The following MCTP1 variants were observed in gnomAD, a reference collection of about 807,000 sequenced individuals.
MCTP1 encodes multiple C2 and transmembrane domain containing 1.
In MCTP1, 69 loss-of-function variants were observed where a neutral mutation model predicts 120.6. The ratio of observed to expected loss-of-function variants is 0.57; its 90% CI spans 0.47 to 0.70. MCTP1 has a LOEUF of 0.70. MCTP1 is among the 30% of genes least tolerant of loss of function. The pLI, the probability that MCTP1 is intolerant of heterozygous loss-of-function variation, is 0.00. For synonymous variants in MCTP1, 529 were observed against 493.1 expected, an observed-to-expected ratio of 1.07 and a Z score of -0.96; for missense variants, 1,203 against 1,248.8, an observed-to-expected ratio of 0.96 and a Z score of 0.55.
chr5:94,710,992 A>G (rs1756729426), intron 20 of MCTP1, 65 bp from the exon 21 acceptor site: 3 of 1,092,688 alleles, frequency 2.7e-6, no homozygotes, highest in Admixed American at 2.0e-5. Flanking sequence ...ATTAAAATAC[A>G]TATGATTCTA....
chr5:95,249,109 C>T (rs1334143535), intron 1 of MCTP1, among the ~76,000 whole-genome samples: 2 of 152,140 alleles, frequency 1.3e-5, no homozygotes, highest in African/African-American at 4.8e-5. Flanking sequence ...TGAGTAAAGA[C>T]TTCATGACTA....
At chr5:94,842,443 AT>A (rs1307757136) in intron 17 of MCTP1, among the ~76,000 whole-genome samples, 1 of 152,178 alleles carries the variant, frequency 6.6e-6, no homozygotes, top group Non-Finnish European at 1.5e-5. Context: ...TAACATATGG[AT>A]TGTGTCATCT....
chr5:94,862,336 C>T (rs1795965582), intron 17 of MCTP1, among the ~76,000 whole-genome samples: 1 of 151,688 alleles, frequency 6.6e-6, no homozygotes, highest in African/African-American at 2.4e-5. Flanking sequence ...GACCCTGTGG[C>T]TTATGTGATT....
intron 1 of MCTP1, among the ~76,000 whole-genome samples, chr5:95,171,377 C>T (rs1039639132): frequency 6.6e-6 from 1 of 152,144 alleles, no homozygotes; most frequent in African/African-American, 2.4e-5. Flanking sequence ...GTGAATCTGA[C>T]AATTATGTGT....
chr5:94,872,463 T>A (rs1449241522), intron 13 of MCTP1, among the ~76,000 whole-genome samples: 2 of 151,788 alleles, frequency 1.3e-5, no homozygotes, highest in African/African-American at 2.4e-5. Context: ...GTTTTTCATA[T>A]ACAAAAAAAT....
chr5:94,877,113 CTT>C (rs1561790894), intron 12 of MCTP1, among the ~76,000 whole-genome samples: 2 of 152,006 alleles, frequency 1.3e-5, no homozygotes, highest in Non-Finnish European at 2.9e-5. Context: ...GAAGCAAAGA[CTT>C]TTCCAGTGGC....
At chr5:95,186,277 A>G (rs1405310406) in intron 1 of MCTP1, among the ~76,000 whole-genome samples, 2 of 151,826 alleles carry the variant, frequency 1.3e-5, no homozygotes, top group East Asian at 1.9e-4. Flanking sequence ...AAAAAGAAAA[A>G]AAAGAAAAAA....
At chr5:95,030,504 C>T (rs1209676440) in intron 1 of MCTP1, among the ~76,000 whole-genome samples, 1 of 152,168 alleles carries the variant, frequency 6.6e-6, no homozygotes, top group Non-Finnish European at 1.5e-5. Context: ...GCATCCAATA[C>T]ACCAGTACAA....
chr5:95,182,084 A>G (rs1354196529), intron 1 of MCTP1, among the ~76,000 whole-genome samples: 1 of 152,234 alleles, frequency 6.6e-6, no homozygotes, highest in African/African-American at 2.4e-5. Flanking sequence ...GAAATATCTG[A>G]CCATGGGAAT....
chr5:94,800,359 G>T, intron 17 of MCTP1, among the ~76,000 whole-genome samples: 1 of 152,162 alleles, frequency 6.6e-6, no homozygotes, highest in Non-Finnish European at 1.5e-5. Flanking sequence ...TCAGCCAGCT[G>T]GTTGGAATAA....
intron 1 of MCTP1, among the ~76,000 whole-genome samples, chr5:95,069,652 A>T (rs1475366757): frequency 6.6e-6 from 1 of 151,292 alleles, no homozygotes; most frequent in Admixed American, 6.6e-5. Flanking sequence ...GCTCACAGGG[A>T]TGTCAAGTTG....
At chr5:94,998,098 C>A (rs765812612) in intron 2 of MCTP1, among the ~76,000 whole-genome samples, 1 of 151,998 alleles carries the variant, frequency 6.6e-6, no homozygotes, top group Non-Finnish European at 1.5e-5. Flanking sequence ...CTTATGCAAA[C>A]TGAAAATATA....
chr5:94,811,149 T>A (rs969948142), intron 17 of MCTP1, among the ~76,000 whole-genome samples: 3 of 152,178 alleles, frequency 2.0e-5, no homozygotes, highest in African/African-American at 7.2e-5. Flanking sequence ...ATTCAAATAA[T>A]CATCTTAGGC....
intron 20 of MCTP1, among the ~76,000 whole-genome samples, chr5:94,711,727 C>CAA (rs11380194): frequency 3.7e-4 from 49 of 131,998 alleles, no homozygotes; most frequent in East Asian, 1.4e-3. Flanking sequence ...GTAGAAGTTA[C>CAA]AAAAAAAAAA....
At chr5:95,096,829 T>C (rs1756305850) in intron 1 of MCTP1, among the ~76,000 whole-genome samples, 1 of 152,166 alleles carries the variant, frequency 6.6e-6, no homozygotes, top group African/African-American at 2.4e-5. Flanking sequence ...AGGAAATAAG[T>C]TAAATTTTCA....
intron 1 of MCTP1, among the ~76,000 whole-genome samples, chr5:95,035,615 G>T (rs971311033): frequency 1.3e-5 from 2 of 152,030 alleles, no homozygotes; most frequent in Middle Eastern, 3.4e-3. Flanking sequence ...TACTTATTGG[G>T]TACTATGTTC....
intron 19 of MCTP1, among the ~76,000 whole-genome samples, chr5:94,758,432 C>T (rs968618481): frequency 2.6e-5 from 4 of 151,772 alleles, no homozygotes; most frequent in South Asian, 2.1e-4. Context: ...GGGGACAGAG[C>T]GAGACCCCAT....
At chr5:94,824,726 G>T (rs1251872251) in intron 17 of MCTP1, among the ~76,000 whole-genome samples, 1 of 152,154 alleles carries the variant, frequency 6.6e-6, no homozygotes, top group Non-Finnish European at 1.5e-5. Context: ...CTTGTTATTG[G>T]TCTATTCAGG....
At chr5:95,087,824 A>G (rs1193025987) in intron 1 of MCTP1, among the ~76,000 whole-genome samples, 1 of 152,062 alleles carries the variant, frequency 6.6e-6, no homozygotes, top group Non-Finnish European at 1.5e-5. Flanking sequence ...TTCCATGCTC[A>G]TCAAGCTGCT....
Sources: gnomAD v4.1 joint callset for allele counts (sites outside exome capture counted in the v4.1 genomes callset) on GRCh38, gnomAD v4.1.1 for gene constraint, MANE v1.5 for transcripts, NCBI Gene and HGNC (gene_info 2026-07-23, HGNC 2026-07-21) for gene names.